IQSEC3: variants seen among roughly 807,000 people sequenced by gnomAD.
IQSEC3 encodes IQ motif and Sec7 domain ArfGEF 3.
Under a neutral mutation model 105.4 loss-of-function variants are expected in IQSEC3, and 50 were observed. The ratio of observed to expected loss-of-function variants is 0.47; its 90% CI spans 0.38 to 0.60. The LOEUF is 0.60. IQSEC3 is among the 20% of genes least tolerant of loss of function. The pLI, the probability that IQSEC3 is intolerant of heterozygous loss-of-function variation, is 0.00. For synonymous variants in IQSEC3, 708 were observed against 746.0 expected (o/e 0.95, Z 0.83); for missense variants, 1,415 against 1,630.0 (o/e 0.87, Z 2.27).
chr12:101,525 AAT>A (rs2136921333), intron 2 of IQSEC3, among the ~76,000 whole-genome samples: 1 of 151,884 alleles, frequency 6.6e-6, no homozygotes, highest in East Asian at 1.9e-4. Context: ...TATTCTCTTG[AAT>A]GTTGGTTCAT....
intron 9 of IQSEC3, among the ~76,000 whole-genome samples, chr12:164,156 G>A (rs1312658958): frequency 6.6e-6 from 1 of 152,190 alleles, no homozygotes; most frequent in Non-Finnish European, 1.5e-5. Context: ...TTGTAGGTCT[G>A]GAAAACTGGT....
chr12:102,499 A>T (rs1864459425), intron 2 of IQSEC3, among the ~76,000 whole-genome samples: 1 of 152,246 alleles, frequency 6.6e-6, no homozygotes, highest in East Asian at 1.9e-4. Context: ...GCAGCACTGC[A>T]GTGGCTGCTC....
intron 1 of IQSEC3, among the ~76,000 whole-genome samples, chr12:79,328 A>G (rs1381546744): frequency 6.6e-6 from 1 of 152,218 alleles, no homozygotes; most frequent in Non-Finnish European, 1.5e-5. Flanking sequence ...CTAAAGCCTC[A>G]GGGCTCTTTC....
At chr12:167,611 G>T (rs868980980) in intron 11 of IQSEC3, 1 of 151,632 alleles carries the variant, frequency 6.6e-6, no homozygotes, top group South Asian at 2.1e-4. Flanking sequence ...TGGGCTCAGT[G>T]GCTCACACCT....
At chr12:171,430 C>A in intron 13 of IQSEC3, 1 of 1,000,458 alleles carries the variant, frequency 1.0e-6, no homozygotes, top group Non-Finnish European at 1.5e-6. Flanking sequence ...ACAGTGGAGA[C>A]GGAGCTCACG....
intron 2 of IQSEC3, among the ~76,000 whole-genome samples, chr12:123,265 G>T (rs1383048687): frequency 6.6e-6 from 1 of 151,970 alleles, no homozygotes; most frequent in South Asian, 2.1e-4. Flanking sequence ...AAATTTGCCC[G>T]GTATGGTGGT....
In IQSEC3 at chr12:125,839, T is replaced by C. The variant is rs1325987090; in HGVS notation, c.830T>C (p.Leu277Pro). The C allele has an allele frequency of 4.6e-6, 7 of 1,532,334 alleles. No individual in the cohort carries two copies. The Admixed American group carries it at 1.4e-4, about 30-fold the overall frequency. 94.9% of individuals were successfully genotyped at this position (1,532,334 alleles called of 1,614,324 possible). A position where few individuals can be genotyped will look rare whatever the true frequency, so the allele number is the denominator to read the frequency against. Residue 277 changes from leucine (L) to proline (P), a missense_variant, in exon 3 of 14, where the codon CTG (leucine) becomes CCG (proline). Coordinates refer to ENST00000538872, the MANE Select transcript of IQSEC3 (RefSeq NM_001170738.2). ...TCCCCCGGCCGGCAGCAGCCTGCCC[T>C]GGCGACGGCGCTGTGCCCCCACGCC... ...KASPGRQQPA[L>P]ATALCPHAPA...
rs4980962 is a variant in IQSEC3, at chr12:100,189, C to A, written c.623+975C>A. ...GGTCTGTCTCAAAAGTGGCATTCACCTATCATCCCGTCGAGTCTCTGAGCT... is the reference window on the plus strand; with the variant it reads ...GGTCTGTCTCAAAAGTGGCATTCACATATCATCCCGTCGAGTCTCTGAGCT... On this transcript the variant is annotated intron_variant, in intron 2 of 13. Transcript: ENST00000538872. Among the ~76,000 whole-genome samples, 3 of 151,740 alleles carry A rather than the reference C, an allele frequency of 2.0e-5. No individual in the cohort carries two copies. The South Asian group carries it at 6.2e-4, about 31-fold the overall frequency.
At chr12:115,488 T>C (rs1238296900) in intron 2 of IQSEC3, among the ~76,000 whole-genome samples, 3 of 152,068 alleles carry the variant, frequency 2.0e-5, no homozygotes, top group Non-Finnish European at 4.4e-5. Flanking sequence ...GCGAGGGAGC[T>C]AGAAAGAATG....
In IQSEC3 at chr12:119,716, CAT is replaced by C. The variant is rs879976546; in HGVS notation, c.624-5916_624-5915del. On this transcript the variant is annotated intron_variant, in intron 2 of 13. Coordinates refer to ENST00000538872, the MANE Select transcript of IQSEC3 (RefSeq NM_001170738.2). ...CAGCCTTGGCCAATCCCACGTGGCA[CAT>C]CAACCTCAGCCCATGTTGGGTAAGA... Among the ~76,000 whole-genome samples the C allele has an allele frequency of 7.0e-3, 1,071 of 152,342 alleles. 9 individuals are homozygous for C. Among genetic ancestry groups the C allele is most frequent in the East Asian group, 0.033 (169 of 5,186 alleles).
At chr12:90,796 C>T (rs191012361) in intron 1 of IQSEC3, among the ~76,000 whole-genome samples, 20 of 152,268 alleles carry the variant, frequency 1.3e-4, no homozygotes, top group Non-Finnish European at 2.9e-5. Flanking sequence ...TTTTGGCTAT[C>T]CCCTCCTCCT....
intron 5 of IQSEC3, among the ~76,000 whole-genome samples, chr12:146,702 G>A (rs980640286): frequency 6.6e-6 from 1 of 151,820 alleles, no homozygotes; most frequent in Admixed American, 6.6e-5. Context: ...GAGAGTGGGA[G>A]GAAGGGAGGG....
At chr12:103,442 GGAGGCGGGGCTCAGGCAGGA>G (rs1864495136) in intron 2 of IQSEC3, among the ~76,000 whole-genome samples, 1 of 129,436 alleles carries the variant, frequency 7.7e-6, no homozygotes, top group Non-Finnish European at 1.6e-5. Flanking sequence ...GCTCAGGAGG[GGAGGCGGGGCTCAGGCAGGA>G]GAGGCGGGGC....
chr12:66,814 G>A lies in IQSEC3; in HGVS notation c.-69G>A. On this transcript the variant is annotated 5_prime_UTR_variant, in exon 1 of 14. Transcript: ENST00000538872. ...AGGCGAGCCGACCGCTGGGCTGCTGGGCTCCCGCGCCCTCGCGCTCCCCGC... is the reference window on the plus strand; with the variant it reads ...AGGCGAGCCGACCGCTGGGCTGCTGAGCTCCCGCGCCCTCGCGCTCCCCGC... 2.3e-6 allele frequency: 3 copies of A among 1,310,970 alleles called. No individual in the cohort carries two copies. The highest frequency in any genetic ancestry group is 2.9e-6 in the Non-Finnish European group (3 of 1,033,798). The allele number at this position is 1,310,970 out of a possible 1,614,324, so 81.2% of individuals were successfully genotyped here.
chr12:74,239 C>G (rs1863433354), intron 1 of IQSEC3, among the ~76,000 whole-genome samples: 1 of 152,276 alleles, frequency 6.6e-6, no homozygotes, highest in South Asian at 2.1e-4. Flanking sequence ...TAGACCTGTA[C>G]TTTTCAGAAC....
At chr12:78,596 C>T (rs1863639850) in intron 1 of IQSEC3, among the ~76,000 whole-genome samples, 1 of 152,146 alleles carries the variant, frequency 6.6e-6, no homozygotes, top group South Asian at 2.1e-4. Context: ...CTTAGAATTC[C>T]CAGGGCTGTA....
chr12:125,967 G>A (rs1453775590), intron 3 of IQSEC3, 55 bp downstream of exon 3: 73 of 1,486,174 alleles, frequency 4.9e-5, no homozygotes, highest in Admixed American at 2.9e-4. Flanking sequence ...CCTGCTTTGG[G>A]GGCTGTCGAG....
intron 1 of IQSEC3, among the ~76,000 whole-genome samples, chr12:78,361 G>A (rs1478515115): frequency 6.6e-6 from 1 of 151,984 alleles, no homozygotes; most frequent in Non-Finnish European, 1.5e-5. Flanking sequence ...CTAGTGTGAT[G>A]GTGCGAGTAG....
At position 176,844 on chromosome 12, in the gene IQSEC3, C is replaced by T. The variant is rs1939252504; in HGVS notation, c.*1811C>T. 6.6e-6 allele frequency: 1 copy of T among 152,256 alleles called. No individual in the cohort carries two copies. The highest frequency in any genetic ancestry group is 2.4e-5 in the African/African-American group (1 of 41,424). The allele number at this position is 152,256 out of a possible 1,614,324, so 9.4% of individuals were successfully genotyped here. On this transcript the variant is annotated 3_prime_UTR_variant, in exon 14 of 14. Coordinates refer to ENST00000538872, the MANE Select transcript of IQSEC3 (RefSeq NM_001170738.2). The surrounding 1 kb of genome is among the most constrained non-coding windows in gnomAD (Gnocchi z 4.0). ...TTGCCTTTCAGAGTGGAGCAGATGA[C>T]AGATGGGGTGCACGCATTCAGACAC...
Sources: gnomAD v4.1 joint callset for allele counts (sites outside exome capture counted in the v4.1 genomes callset) on GRCh38, gnomAD v4.1.1 for gene constraint, Gnocchi (gnomAD v3.1) non-coding constraint, MANE v1.5 for transcripts, NCBI Gene and HGNC (gene_info 2026-07-23, HGNC 2026-07-21) for gene names.